NAALADL2: variants seen among roughly 807,000 people sequenced by gnomAD.
The protein encoded by NAALADL2 is N-acetylated alpha-linked acidic dipeptidase like 2.
Under a neutral mutation model 87.2 loss-of-function variants are expected in NAALADL2, and 76 were observed. The observed-to-expected ratio is 0.87, with a 90% CI of 0.72 to 1.05. NAALADL2 has a LOEUF of 1.05. Among genes scored for constraint, NAALADL2 ranks in the 50% least tolerant of loss-of-function variants. The probability of loss-of-function intolerance (pLI) is 0.00; values close to 1 mark genes in which losing one functional copy is unlikely to be tolerated. For synonymous variants in NAALADL2, 354 were observed against 331.0 expected, an observed-to-expected ratio of 1.07 and a Z score of -0.75; for missense variants, 1,089 against 945.8, an observed-to-expected ratio of 1.15 and a Z score of -1.99.
chr3:175,730,809 A>G (rs1336060579), intron 11 of NAALADL2, among the ~76,000 whole-genome samples: 1 of 151,938 alleles, frequency 6.6e-6, no homozygotes, highest in Admixed American at 6.6e-5. Flanking sequence ...GTATGGTCAG[A>G]GAATAATGGA....
chr3:175,754,111 A>G (rs1746947030), intron 12 of NAALADL2, among the ~76,000 whole-genome samples: 1 of 152,174 alleles, frequency 6.6e-6, no homozygotes, highest in African/African-American at 2.4e-5. Flanking sequence ...ATTTTTAAAG[A>G]AGGTCTTGAA....
At chr3:174,604,564 A>C (rs1202928522) in intron 2 of NAALADL2, among the ~76,000 whole-genome samples, 1 of 151,996 alleles carries the variant, frequency 6.6e-6, no homozygotes, top group Admixed American at 6.6e-5. Flanking sequence ...AGCCATTTAC[A>C]TTCAATGTTA....
At chr3:175,026,868 AC>A (rs1216867689) in intron 1 of NAALADL2, among the ~76,000 whole-genome samples, 1 of 152,128 alleles carries the variant, frequency 6.6e-6, no homozygotes, top group Non-Finnish European at 1.5e-5. Flanking sequence ...AAAGAGATTC[AC>A]ATGAGTTATT....
intron 1 of NAALADL2, among the ~76,000 whole-genome samples, chr3:174,873,621 T>A (rs1477986982): frequency 6.6e-6 from 1 of 152,052 alleles, no homozygotes; most frequent in Non-Finnish European, 1.5e-5. Context: ...TTTGCCAGTT[T>A]AGTGCTTTTG....
chr3:175,375,030 G>A (rs1045535210), intron 5 of NAALADL2, among the ~76,000 whole-genome samples: 1 of 151,978 alleles, frequency 6.6e-6, no homozygotes, highest in African/African-American at 2.4e-5. Flanking sequence ...AGTATTTACT[G>A]AAAAAATCTT....
chr3:175,282,578 C>T (rs1365301468), intron 4 of NAALADL2, among the ~76,000 whole-genome samples: 1 of 152,052 alleles, frequency 6.6e-6, no homozygotes, highest in African/African-American at 2.4e-5. Context: ...CACCTATCTA[C>T]CTGTCACCTG....
At chr3:175,648,272 G>A (rs1440415529) in intron 11 of NAALADL2, among the ~76,000 whole-genome samples, 3 of 152,010 alleles carry the variant, frequency 2.0e-5, no homozygotes, top group Non-Finnish European at 2.9e-5. Flanking sequence ...TCATCTGTAA[G>A]AAATGGGCAT....
At chr3:174,996,020 C>G (rs1429393044) in intron 1 of NAALADL2, among the ~76,000 whole-genome samples, 1 of 152,016 alleles carries the variant, frequency 6.6e-6, no homozygotes, top group East Asian at 1.9e-4. Context: ...GTTCCTCACA[C>G]CAGGTTACAT....
chr3:175,335,393 T>A (rs1220007103), intron 5 of NAALADL2, among the ~76,000 whole-genome samples: 1 of 152,168 alleles, frequency 6.6e-6, no homozygotes, highest in Non-Finnish European at 1.5e-5. Flanking sequence ...TTATAGATCA[T>A]CCATGAGATA....
At chr3:175,588,057 A>C (rs1230241154) in intron 10 of NAALADL2, among the ~76,000 whole-genome samples, 1 of 150,856 alleles carries the variant, frequency 6.6e-6, no homozygotes, top group Admixed American at 6.7e-5. Context: ...GTACACATCT[A>C]TGTTGATTTA....
intron 10 of NAALADL2, among the ~76,000 whole-genome samples, chr3:175,597,431 A>T (rs1240348920): frequency 6.6e-6 from 1 of 152,022 alleles, no homozygotes; most frequent in African/African-American, 2.4e-5. Context: ...TTAGGAATCA[A>T]ACTCCCTGGA....
chr3:174,467,756 GAAA>G (rs1186832278), intron 1 of NAALADL2, among the ~76,000 whole-genome samples: 4 of 151,872 alleles, frequency 2.6e-5, no homozygotes, highest in Non-Finnish European at 5.9e-5. Context: ...ATTCTTATGT[GAAA>G]AAAGCAAACT....
intron 9 of NAALADL2, among the ~76,000 whole-genome samples, chr3:175,553,342 T>C (rs1488275885): frequency 6.6e-6 from 1 of 152,160 alleles, no homozygotes; most frequent in Non-Finnish European, 1.5e-5. Flanking sequence ...TCATAAGGGA[T>C]GAGAAGATTT....
At chr3:175,616,649 C>A (rs1725388235) in intron 10 of NAALADL2, among the ~76,000 whole-genome samples, 1 of 152,074 alleles carries the variant, frequency 6.6e-6, no homozygotes, top group South Asian at 2.1e-4. Context: ...GGCCTGGGGA[C>A]CCCTGGGCTT....
chr3:175,616,589 G>A (rs1228608972), intron 10 of NAALADL2, among the ~76,000 whole-genome samples: 1 of 152,032 alleles, frequency 6.6e-6, no homozygotes, highest in Non-Finnish European at 1.5e-5. Flanking sequence ...AATTCCTTCA[G>A]TGCCACTTCG....
At chr3:175,645,763 A>G (rs1729925230) in intron 11 of NAALADL2, among the ~76,000 whole-genome samples, 1 of 152,148 alleles carries the variant, frequency 6.6e-6, no homozygotes, top group African/African-American at 2.4e-5. Context: ...CTCATTATGC[A>G]TCAGATAGTT....
At position 175,734,117 on chromosome 3, in the gene NAALADL2, T is replaced by A. The variant is rs888051456; in HGVS notation, c.1897-3189T>A. ...GGTGGCGTGGCCCTCTTCTCACAGC[T>A]CCACTACGTGGTGCCCCAGTAGGGA... On this transcript the variant is annotated intron_variant, in intron 11 of 13. Transcript: ENST00000454872. Among the ~76,000 whole-genome samples the A allele has an allele frequency of 2.6e-5, 4 of 152,298 alleles. No homozygotes were observed. The East Asian group carries it at 7.7e-4, about 29-fold the overall frequency.
At chr3:174,876,016 A>G (rs1316227311) in intron 1 of NAALADL2, among the ~76,000 whole-genome samples, 6 of 152,104 alleles carry the variant, frequency 3.9e-5, no homozygotes, top group African/African-American at 9.7e-5. Flanking sequence ...ACTAAAATGC[A>G]TATTTCAAGA....
chr3:175,448,488 A>G (rs1264248875), intron 6 of NAALADL2, among the ~76,000 whole-genome samples: 1 of 152,144 alleles, frequency 6.6e-6, no homozygotes, highest in East Asian at 1.9e-4. Flanking sequence ...TAATTAATTA[A>G]TTCAATACAG....
Sources: gnomAD v4.1 joint callset for allele counts (sites outside exome capture counted in the v4.1 genomes callset) on GRCh38, gnomAD v4.1.1 for gene constraint, MANE v1.5 for transcripts, NCBI Gene and HGNC (gene_info 2026-07-23, HGNC 2026-07-21) for gene names.